CTNNA2: variants seen among roughly 807,000 people sequenced by gnomAD.
The protein encoded by CTNNA2 is catenin alpha-2.
A neutral mutation model predicts 101.0 loss-of-function variants in CTNNA2; 42 were observed. The observed-to-expected ratio is 0.42, with a 90% CI of 0.32 to 0.54. The LOEUF (loss-of-function observed/expected upper bound fraction) is 0.54, where lower values mean the gene tolerates loss of function less well. Ranked by LOEUF, CTNNA2 falls within the 20% of genes least tolerant of loss-of-function variation. CTNNA2 has a pLI of 0.14. For missense variants in CTNNA2, 871 were observed against 1,223.1 expected (o/e 0.71, Z 4.29); for synonymous variants, 450 against 456.4 (o/e 0.99, Z 0.18).
chr2:80,413,751 G>A (rs1679791619), intron 8 of CTNNA2, among the ~76,000 whole-genome samples: 1 of 152,156 alleles, frequency 6.6e-6, no homozygotes, highest in South Asian at 2.1e-4. Context: ...CACAGCTTAA[G>A]GAAATATGGC....
chr2:80,107,539 C>T (rs1250036609), intron 7 of CTNNA2, among the ~76,000 whole-genome samples: 2 of 152,180 alleles, frequency 1.3e-5, no homozygotes, highest in Admixed American at 1.3e-4. Context: ...TAGCCATTTC[C>T]ATCACTTAAT....
At chr2:80,139,118 T>C (rs990590031) in intron 7 of CTNNA2, among the ~76,000 whole-genome samples, 3 of 152,164 alleles carry the variant, frequency 2.0e-5, no homozygotes, top group African/African-American at 4.8e-5. Flanking sequence ...CTCCAACCAC[T>C]CATCAGTTGG....
chr2:79,744,646 T>C, intron 3 of CTNNA2, 64 bp downstream of exon 3: 3 of 1,427,246 alleles, frequency 2.1e-6, no homozygotes, highest in Non-Finnish European at 2.8e-6. Context: ...TGGCTTTTTC[T>C]TTAGAATCAA....
chr2:79,709,013 A>G (rs4852513), intron 2 of CTNNA2, among the ~76,000 whole-genome samples: 50,022 of 152,068 alleles, frequency 0.33, 9,873 homozygotes, highest in East Asian at 0.6. Context: ...TACCTGTTTA[A>G]TCTGAGGATT....
At chr2:80,384,918 A>G (rs907165636) in intron 7 of CTNNA2, among the ~76,000 whole-genome samples, 4 of 152,066 alleles carry the variant, frequency 2.6e-5, no homozygotes, top group Admixed American at 2.0e-4. Flanking sequence ...TTTGTAAGTG[A>G]CAGAAATGCC....
chr2:79,594,594 C>T (rs1677070700), intron 1 of CTNNA2, among the ~76,000 whole-genome samples: 1 of 152,154 alleles, frequency 6.6e-6, no homozygotes, highest in Non-Finnish European at 1.5e-5. Flanking sequence ...CCTCATATCT[C>T]TCCGTTTTGA....
chr2:79,386,677 GA>G (rs553712498), intron 4 of CTNNA2, among the ~76,000 whole-genome samples: 306 of 152,188 alleles, frequency 2.0e-3, no homozygotes, highest in Middle Eastern at 0.014. Flanking sequence ...TGTTGAAACT[GA>G]AAAGTCTCAA....
rs185274895 is a variant in CTNNA2, at chr2:80,160,053, T to C, written c.1057-233158T>C. 5.2e-3 allele frequency among the ~76,000 whole-genome samples: 794 copies of C among 152,340 alleles called. 7 individuals are homozygous for C. Among genetic ancestry groups the C allele is most frequent in the African/African-American group, 0.018 (769 of 41,584 alleles). Reference sequence around the variant, plus strand: ...CACTTCTTTACCTATGGAGAACCAATTGCTCTAGCACCATTTGTGTAAAAA... The same window carrying C: ...CACTTCTTTACCTATGGAGAACCAACTGCTCTAGCACCATTTGTGTAAAAA... On this transcript the variant is annotated intron_variant, in intron 7 of 18. Coordinates refer to ENST00000402739, the MANE Select transcript of CTNNA2 (RefSeq NM_001282597.3).
intron 7 of CTNNA2, among the ~76,000 whole-genome samples, chr2:79,959,916 T>A (rs532513427): frequency 6.6e-6 from 1 of 152,332 alleles, no homozygotes; most frequent in African/African-American, 2.4e-5. Context: ...TGCTTTTCCA[T>A]CCCTGTTTCT....
intron 15 of CTNNA2, among the ~76,000 whole-genome samples, chr2:80,593,332 T>C (rs1696674210): frequency 6.6e-6 from 1 of 151,800 alleles, no homozygotes; most frequent in South Asian, 2.1e-4. Context: ...ATGTGATTTT[T>C]TTTTTCTTTT....
intron 4 of CTNNA2, among the ~76,000 whole-genome samples, chr2:79,403,555 A>G (rs1678311281): frequency 6.6e-6 from 1 of 152,118 alleles, no homozygotes; most frequent in East Asian, 1.9e-4. Flanking sequence ...CTAATCTAGA[A>G]TATATCACAA....
intron 6 of CTNNA2, among the ~76,000 whole-genome samples, chr2:79,885,297 C>A (rs570739150): frequency 6.6e-6 from 1 of 152,318 alleles, no homozygotes; most frequent in South Asian, 2.1e-4. Flanking sequence ...GTTGTGCCTC[C>A]ATTTCAAATG....
At chr2:79,831,031 C>T (rs2105426090) in intron 3 of CTNNA2, among the ~76,000 whole-genome samples, 1 of 152,216 alleles carries the variant, frequency 6.6e-6, no homozygotes, top group African/African-American at 2.4e-5. Context: ...TTCTTGTCCC[C>T]ACCCCTCTTT....
intron 8 of CTNNA2, among the ~76,000 whole-genome samples, chr2:80,402,501 G>T (rs1052445659): frequency 6.6e-6 from 1 of 151,990 alleles, no homozygotes; most frequent in Non-Finnish European, 1.5e-5. Flanking sequence ...ATCAAAAATT[G>T]CCTCATTAGA....
intron 7 of CTNNA2, among the ~76,000 whole-genome samples, chr2:79,925,753 A>T (rs960793014): frequency 2.0e-5 from 3 of 152,058 alleles, no homozygotes; most frequent in Non-Finnish European, 4.4e-5. Flanking sequence ...TTTCCCTGAG[A>T]ATCCCTGACA....
chr2:79,510,278 G>T (rs1263413764), upstream of CTNNA2, among the ~76,000 whole-genome samples: 6 of 152,128 alleles, frequency 3.9e-5, no homozygotes, highest in African/African-American at 1.2e-4. Context: ...TTATGTCATT[G>T]AAATGAAGGA....
chr2:79,666,688 G>C (rs1001707466), intron 2 of CTNNA2, among the ~76,000 whole-genome samples: 2 of 152,168 alleles, frequency 1.3e-5, no homozygotes, highest in African/African-American at 4.8e-5. Flanking sequence ...ACTGAGCTAG[G>C]TTGCAAAGTG....
At chr2:80,436,791 C>G (rs1682080234) in intron 9 of CTNNA2, among the ~76,000 whole-genome samples, 1 of 152,110 alleles carries the variant, frequency 6.6e-6, no homozygotes, top group Non-Finnish European at 1.5e-5. Flanking sequence ...TATAAGCGCA[C>G]CAATCCCATT....
At chr2:79,830,382 G>T (rs2105423155) in intron 3 of CTNNA2, among the ~76,000 whole-genome samples, 1 of 152,290 alleles carries the variant, frequency 6.6e-6, no homozygotes, top group South Asian at 2.1e-4. Flanking sequence ...GGCAGCATCT[G>T]CTCCGCAGTG....
Sources: gnomAD v4.1 joint callset for allele counts (sites outside exome capture counted in the v4.1 genomes callset) on GRCh38, gnomAD v4.1.1 for gene constraint, MANE v1.5 for transcripts, NCBI Gene and HGNC (gene_info 2026-07-23, HGNC 2026-07-21) for gene names.